Variants in CSMD1 observed in about 807,000 individuals in gnomAD.
CSMD1 encodes CUB and sushi domain-containing protein 1.
A neutral mutation model predicts 417.5 loss-of-function variants in CSMD1; 213 were observed. The observed-to-expected ratio is 0.51, with a 90% CI of 0.46 to 0.57. CSMD1 has a LOEUF of 0.57. Among genes scored for constraint, CSMD1 ranks in the 20% least tolerant of loss-of-function variants. The pLI is 0.00. For synonymous variants in CSMD1, 2,862 were observed against 1,736.8 expected (o/e 1.65, Z -16.11); for missense variants, 6,923 against 4,529.7 (o/e 1.53, Z -15.17).
At chr8:3,676,518 C>T (rs768357085) in intron 7 of CSMD1, among the ~76,000 whole-genome samples, 4 of 152,166 alleles carry the variant, frequency 2.6e-5, no homozygotes, top group Non-Finnish European at 5.9e-5. Context: ...ATCTCAGAAG[C>T]ATATAGATCT....
At chr8:4,486,864 A>C (rs1381703173) in intron 2 of CSMD1, among the ~76,000 whole-genome samples, 1 of 152,160 alleles carries the variant, frequency 6.6e-6, no homozygotes, top group Non-Finnish European at 1.5e-5. Context: ...CATCAAGCTC[A>C]CAATGTTGCA....
intron 1 of CSMD1, chr8:4,787,666 A>T: frequency 6.3e-7 from 1 of 1,588,024 alleles, no homozygotes; most frequent in Non-Finnish European, 8.6e-7. Flanking sequence ...TCAAGGAAGG[A>T]TATAAGTTTA....
At chr8:4,113,466 G>A (rs944520651) in intron 3 of CSMD1, among the ~76,000 whole-genome samples, 2 of 132,636 alleles carry the variant, frequency 1.5e-5, no homozygotes, top group Non-Finnish European at 3.1e-5. Context: ...CTGCAATGGT[G>A]CAATCTTGGC....
At chr8:4,606,713 C>T (rs1800888056) in intron 2 of CSMD1, among the ~76,000 whole-genome samples, 1 of 152,082 alleles carries the variant, frequency 6.6e-6, no homozygotes, top group Non-Finnish European at 1.5e-5. Context: ...GATCTATCCT[C>T]CAGTTTGATA....
chr8:4,958,490 T>C (rs573935967), intron 1 of CSMD1, among the ~76,000 whole-genome samples: 1 of 152,308 alleles, frequency 6.6e-6, no homozygotes, highest in Admixed American at 6.5e-5. Context: ...TATTGAGGCT[T>C]ACAGAATCAA....
intron 7 of CSMD1, among the ~76,000 whole-genome samples, chr8:3,682,941 C>T (rs1799743278): frequency 6.6e-6 from 1 of 152,094 alleles, no homozygotes; most frequent in Non-Finnish European, 1.5e-5. Flanking sequence ...CTATCTATCG[C>T]AAGGACCAAA....
At chr8:3,687,008 T>C (rs759729152) in intron 7 of CSMD1, among the ~76,000 whole-genome samples, 21 of 152,220 alleles carry the variant, frequency 1.4e-4, no homozygotes, top group Non-Finnish European at 2.4e-4. Flanking sequence ...AGGAGAGATG[T>C]GACTGGTCAA....
chr8:4,029,787 G>T (rs1157725736), intron 4 of CSMD1, among the ~76,000 whole-genome samples: 2 of 152,056 alleles, frequency 1.3e-5, no homozygotes, highest in Non-Finnish European at 2.9e-5. Flanking sequence ...GACAAAACAA[G>T]TATCTTCCTC....
chr8:4,787,446 C>T, intron 1 of CSMD1: 1 of 768,218 alleles, frequency 1.3e-6, no homozygotes, highest in Non-Finnish European at 2.3e-6. Flanking sequence ...GGAAATGTAG[C>T]TAGAAAGAAT....
intron 9 of CSMD1, 52 bp downstream of exon 9, chr8:3,586,084 C>A: frequency 6.4e-7 from 1 of 1,565,926 alleles, no homozygotes; most frequent in Non-Finnish European, 8.7e-7. Context: ...CATAAAAATG[C>A]CAACCTTAAA....
At chr8:4,704,028 G>A (rs537680528) in intron 1 of CSMD1, among the ~76,000 whole-genome samples, 26 of 152,276 alleles carry the variant, frequency 1.7e-4, no homozygotes, top group African/African-American at 5.8e-4. Context: ...GAGACGAGGC[G>A]GATCTCAGGC....
intron 1 of CSMD1, among the ~76,000 whole-genome samples, chr8:4,980,517 G>A (rs1810830836): frequency 6.6e-6 from 1 of 152,168 alleles, no homozygotes; most frequent in Non-Finnish European, 1.5e-5. Flanking sequence ...TCCTTAGACT[G>A]AGCTCTGCCT....
intron 51 of CSMD1, among the ~76,000 whole-genome samples, chr8:3,024,795 T>C (rs1263364259): frequency 2.6e-5 from 4 of 152,184 alleles, no homozygotes; most frequent in Non-Finnish European, 4.4e-5. Context: ...ATCAAGAATA[T>C]TGAATATTGC....
chr8:4,081,825 A>ATT (rs1246306652), intron 3 of CSMD1, among the ~76,000 whole-genome samples: 3 of 149,868 alleles, frequency 2.0e-5, no homozygotes, highest in Non-Finnish European at 1.5e-5. Context: ...TGTTACAAAT[A>ATT]AAGTTAAAAA....
intron 23 of CSMD1, among the ~76,000 whole-genome samples, chr8:3,327,903 C>A (rs1806637993): frequency 6.6e-6 from 1 of 152,138 alleles, no homozygotes; most frequent in African/African-American, 2.4e-5. Flanking sequence ...TGACCCGGAT[C>A]CTTTAATTGG....
intron 1 of CSMD1, among the ~76,000 whole-genome samples, chr8:4,906,949 C>T (rs562487955): frequency 1.3e-5 from 2 of 152,270 alleles, no homozygotes; most frequent in South Asian, 4.2e-4. Flanking sequence ...ATTAGTCTTT[C>T]CTAAATGACT....
chr8:4,537,444 TA>T (rs1284698357), intron 2 of CSMD1, among the ~76,000 whole-genome samples: 4 of 152,152 alleles, frequency 2.6e-5, no homozygotes, highest in Non-Finnish European at 4.4e-5. Flanking sequence ...TTATTGTTAT[TA>T]AAAGTCATAT....
chr8:3,294,162 C>A (rs1803786939), intron 25 of CSMD1, among the ~76,000 whole-genome samples: 1 of 152,200 alleles, frequency 6.6e-6, no homozygotes, highest in African/African-American at 2.4e-5. Flanking sequence ...ACAGCAAATG[C>A]TGCTGTCTGA....
At chr8:3,698,657 G>A (rs1800689072) in intron 7 of CSMD1, among the ~76,000 whole-genome samples, 1 of 152,150 alleles carries the variant, frequency 6.6e-6, no homozygotes, top group Non-Finnish European at 1.5e-5. Flanking sequence ...AGGCATTTCT[G>A]GCAATCTAGT....
Sources: gnomAD v4.1 joint callset for allele counts (sites outside exome capture counted in the v4.1 genomes callset) on GRCh38, gnomAD v4.1.1 for gene constraint, MANE v1.5 for transcripts, NCBI Gene and HGNC (gene_info 2026-07-23, HGNC 2026-07-21) for gene names.